CCDC102B: variants seen among roughly 807,000 people sequenced by gnomAD.
CCDC102B encodes the protein coiled-coil domain containing 102B.
A neutral mutation model predicts 57.4 loss-of-function variants in CCDC102B; 75 were observed. The ratio of observed to expected loss-of-function variants is 1.31; its 90% CI spans 1.08 to 1.58. The LOEUF (loss-of-function observed/expected upper bound fraction) is 1.58. Among genes scored for constraint, CCDC102B ranks in the 40% most tolerant of loss-of-function variants. The pLI is 0.00. For missense variants in CCDC102B, 636 were observed against 582.6 expected, an observed-to-expected ratio of 1.09 and a Z score of -0.94; for synonymous variants, 206 against 201.9, an observed-to-expected ratio of 1.02 and a Z score of -0.17.
chr18:68,752,719 T>C (rs949902387), intron 2 of CCDC102B, among the ~76,000 whole-genome samples: 1 of 152,224 alleles, frequency 6.6e-6, no homozygotes, highest in Non-Finnish European at 1.5e-5. Flanking sequence ...TTCCAAATTA[T>C]GTGTATGTTA....
intron 6 of CCDC102B, among the ~76,000 whole-genome samples, chr18:68,903,656 CT>C (rs536326532): frequency 3.2e-4 from 49 of 152,096 alleles, no homozygotes; most frequent in Non-Finnish European, 5.6e-4. Context: ...TCAAACAATA[CT>C]TTTGAAAATG....
intron 1 of CCDC102B, among the ~76,000 whole-genome samples, chr18:68,801,580 A>G (rs1397655657): frequency 6.6e-6 from 1 of 152,146 alleles, no homozygotes; most frequent in Non-Finnish European, 1.5e-5. Context: ...AAAAAAACAT[A>G]TGCTCACTGA....
chr18:68,991,178 C>A (rs890024223), intron 6 of CCDC102B, among the ~76,000 whole-genome samples: 2 of 135,548 alleles, frequency 1.5e-5, no homozygotes, highest in African/African-American at 2.7e-5. Context: ...GACATTGGGT[C>A]TGTAAAACTC....
chr18:68,720,712 G>A (rs541323049), intron 2 of CCDC102B, among the ~76,000 whole-genome samples: 6 of 150,866 alleles, frequency 4.0e-5, no homozygotes, highest in South Asian at 2.1e-4. Flanking sequence ...CATGAAGCCC[G>A]GTGAGTCTTT....
intron 6 of CCDC102B, among the ~76,000 whole-genome samples, chr18:68,935,579 G>T (rs540787575): frequency 1.3e-3 from 192 of 152,064 alleles, no homozygotes; most frequent in African/African-American, 4.5e-3. Flanking sequence ...GGATCTGTTA[G>T]GTTGGATAAT....
chr18:69,053,725 T>A (rs1294460263), intron 7 of CCDC102B, among the ~76,000 whole-genome samples: 1 of 151,842 alleles, frequency 6.6e-6, no homozygotes, highest in East Asian at 1.9e-4. Flanking sequence ...TAGAAAGCTG[T>A]GTCTTATATA....
intron 1 of CCDC102B, among the ~76,000 whole-genome samples, chr18:68,815,656 C>A (rs1360896480): frequency 7.2e-6 from 1 of 139,376 alleles, no homozygotes; most frequent in African/African-American, 2.7e-5. Flanking sequence ...TCATTCCAGC[C>A]ACCCTTCACC....
intron 7 of CCDC102B, among the ~76,000 whole-genome samples, chr18:69,037,688 A>G (rs1241887134): frequency 6.6e-6 from 1 of 151,976 alleles, no homozygotes; most frequent in African/African-American, 2.4e-5. Context: ...ACCACTGCCA[A>G]TAACAAATCA....
intron 2 of CCDC102B, among the ~76,000 whole-genome samples, chr18:68,751,771 G>C (rs898741965): frequency 3.3e-5 from 5 of 152,096 alleles, no homozygotes; most frequent in Non-Finnish European, 7.4e-5. Context: ...GAGAGAAAAA[G>C]AGGAAAGAAA....
intron 2 of CCDC102B, among the ~76,000 whole-genome samples, chr18:68,772,970 A>C (rs552288773): frequency 6.6e-6 from 1 of 152,212 alleles, no homozygotes; most frequent in East Asian, 1.9e-4. Flanking sequence ...CTTTCTGGTT[A>C]AGTGGTAAGA....
chr18:68,827,548 C>A (rs373117993), intron 1 of CCDC102B, among the ~76,000 whole-genome samples: 107 of 151,912 alleles, frequency 7.0e-4, no homozygotes, highest in African/African-American at 2.6e-3. Context: ...AACAAAAATT[C>A]AAATAACAAG....
intron 6 of CCDC102B, among the ~76,000 whole-genome samples, chr18:68,988,398 C>T (rs555036621): frequency 0.037 from 58 of 1,558 alleles, no homozygotes; most frequent in African/African-American, 0.14. Context: ...TGCTAGAGTG[C>T]GGAGGGTGGG....
chr18:68,830,404 T>G (rs2037096031), intron 1 of CCDC102B, among the ~76,000 whole-genome samples: 1 of 151,930 alleles, frequency 6.6e-6, no homozygotes, highest in Non-Finnish European at 1.5e-5. Flanking sequence ...ATTAATTTTA[T>G]TTTTGGCTTA....
chr18:68,915,756 T>C (rs1043312627), intron 6 of CCDC102B, among the ~76,000 whole-genome samples: 1 of 152,222 alleles, frequency 6.6e-6, no homozygotes, highest in African/African-American at 2.4e-5. Context: ...ATGTGTCTTA[T>C]CCACTTTTTG....
intron 3 of CCDC102B, 32 bp from the exon 4 acceptor site, chr18:68,846,281 A>C (rs2037852069): frequency 7.2e-7 from 1 of 1,389,032 alleles, no homozygotes; most frequent in Non-Finnish European, 9.5e-7. Context: ...ATTGAAGCCG[A>C]CTTTTTTTCT....
intron 5 of CCDC102B, among the ~76,000 whole-genome samples, chr18:68,896,114 G>C (rs913308506): frequency 7.2e-5 from 11 of 151,940 alleles, no homozygotes; most frequent in Admixed American, 7.2e-4. Context: ...AAATGGTGAA[G>C]TCACATTAGA....
At chr18:68,785,248 T>A (rs2035159539) in intron 2 of CCDC102B, among the ~76,000 whole-genome samples, 1 of 152,026 alleles carries the variant, frequency 6.6e-6, no homozygotes, top group African/African-American at 2.4e-5. Flanking sequence ...TTGGGTTGGT[T>A]CCAAGTCTTT....
rs2052784940 is a variant in CCDC102B, at chr18:69,054,623, A to G, written c.*486A>G. ...AATGAATCATTCTAGAGGTGTAACA[A>G]TACATTTCTTATATAATTTTATAAG... On this transcript the variant is annotated 3_prime_UTR_variant, in exon 8 of 8. Coordinates refer to ENST00000360242, the MANE Select transcript of CCDC102B (RefSeq NM_024781.3). 3.1e-6 allele frequency: 3 copies of G among 980,524 alleles called. No homozygotes were observed. The highest frequency in any genetic ancestry group is 3.6e-6 in the Non-Finnish European group (3 of 825,550). 60.7% of individuals were successfully genotyped at this position (980,524 alleles called of 1,614,324 possible). A position where few individuals can be genotyped will look rare whatever the true frequency, so the allele number is the denominator to read the frequency against.
intron 2 of CCDC102B, among the ~76,000 whole-genome samples, chr18:68,750,689 A>G (rs1012379665): frequency 1.1e-4 from 17 of 151,698 alleles, no homozygotes; most frequent in Non-Finnish European, 2.4e-4. Context: ...TCAGCAAACT[A>G]TCACAAGGAC....
Sources: allele counts gnomAD v4.1 joint callset (sites outside exome capture counted in the v4.1 genomes callset), GRCh38; gene constraint gnomAD v4.1.1; transcripts MANE v1.5; gene names NCBI Gene and HGNC (gene_info 2026-07-23, HGNC 2026-07-21).